IMPG1: variants seen among roughly 807,000 people sequenced by gnomAD.
The protein encoded by IMPG1 is interphotoreceptor matrix proteoglycan of 150 kDa.
IMPG1 carries 85 observed loss-of-function variants against 92.0 expected under a neutral mutation model. The observed-to-expected ratio is 0.92, with a 90% CI of 0.78 to 1.11. The LOEUF (loss-of-function observed/expected upper bound fraction) is 1.11, where lower values mean the gene tolerates loss of function less well. Ranked by LOEUF, IMPG1 falls within the 50% of genes least tolerant of loss-of-function variation. IMPG1 has a pLI of 0.00. For synonymous variants in IMPG1, 367 were observed against 334.1 expected (o/e 1.10, Z -1.08); for missense variants, 1,022 against 956.0 (o/e 1.07, Z -0.91).
In IMPG1 at chr6:76,072,349, G is replaced by T. The variant is rs372462085; in HGVS notation, c.67+73C>A. 2.8e-4 allele frequency: 222 copies of T among 793,220 alleles called. No homozygotes were observed. In the East Asian group the frequency reaches 3.4e-3, roughly 12 times the overall value. 49.1% of individuals were successfully genotyped at this position (793,220 alleles called of 1,614,324 possible). A position where few individuals can be genotyped will look rare whatever the true frequency, so the allele number is the denominator to read the frequency against. ...CGTGAGATCAATTGGTAGCCTTGTT[G>T]GTTCTAAATATTCACTTCTATCGGT... On this transcript the variant is annotated intron_variant, in intron 1 of 16. Transcript: ENST00000369950.
At chr6:75,982,652 C>T (rs915523562) in intron 12 of IMPG1, among the ~76,000 whole-genome samples, 2 of 150,164 alleles carry the variant, frequency 1.3e-5, no homozygotes, top group African/African-American at 2.5e-5. Context: ...TATATATATT[C>T]AAACAACTCT....
intron 12 of IMPG1, among the ~76,000 whole-genome samples, chr6:75,957,311 G>T (rs1782144822): frequency 6.6e-6 from 1 of 152,190 alleles, no homozygotes; most frequent in African/African-American, 2.4e-5. Flanking sequence ...CATTTGCTAA[G>T]GAGTGTTTTA....
At chr6:76,037,558 T>C (rs1202765211) in intron 2 of IMPG1, among the ~76,000 whole-genome samples, 2 of 152,162 alleles carry the variant, frequency 1.3e-5, no homozygotes, top group Admixed American at 6.6e-5. Flanking sequence ...TCATCTCTGG[T>C]CAATAGTCTA....
intron 1 of IMPG1, among the ~76,000 whole-genome samples, chr6:76,049,257 T>C (rs142986837): frequency 1.3e-5 from 2 of 152,162 alleles, no homozygotes; most frequent in Admixed American, 1.3e-4. Context: ...ACTTAATAGC[T>C]GGGTGATGAA....
intron 14 of IMPG1, among the ~76,000 whole-genome samples, chr6:75,935,736 T>C (rs1781734604): frequency 6.6e-6 from 1 of 152,200 alleles, no homozygotes; most frequent in Non-Finnish European, 1.5e-5. Context: ...ATGTTTTCTT[T>C]AAAATCAGAA....
rs1000873432 is a variant in IMPG1 at position 76,056,467 on chromosome 6, G to C, written c.68-14341C>G. On this transcript the variant is annotated intron_variant, in intron 1 of 16. Transcript: ENST00000369950. ...GATATTTGAGTTGTTCCCATGTCTT[G>C]GCTCTTGTGAATAATGCTGTAATCA... Among the ~76,000 whole-genome samples the C allele has an allele frequency of 2.0e-5, 3 of 152,102 alleles. No individual in the cohort carries two copies. In the South Asian group the frequency reaches 6.2e-4, roughly 32 times the overall value.
intron 12 of IMPG1, among the ~76,000 whole-genome samples, chr6:75,973,242 A>ATTGTCCGGATTACAGGCATGAGCCACT: frequency 7.6e-6 from 1 of 131,704 alleles, no homozygotes; most frequent in East Asian, 2.8e-4. Context: ...GGCCTCCCAA[A>ATTGTCCGGATTACAGGCATGAGCCACT]GTGTCCGGAT....
intron 16 of IMPG1, 136 bp downstream of exon 16, chr6:75,923,498 C>T: frequency 3.3e-6 from 2 of 615,292 alleles, no homozygotes; most frequent in South Asian, 3.7e-5. Context: ...GAAAATGTCA[C>T]CCCCTTAAAA....
chr6:76,039,102 A>C (rs952448253), intron 2 of IMPG1, among the ~76,000 whole-genome samples: 12 of 152,262 alleles, frequency 7.9e-5, no homozygotes, highest in Middle Eastern at 3.4e-3. Flanking sequence ...GTACAACGGG[A>C]GTGTTGGCTA....
chr6:75,939,247 G>C (rs189902714), intron 14 of IMPG1, among the ~76,000 whole-genome samples: 48 of 151,792 alleles, frequency 3.2e-4, no homozygotes, highest in African/African-American at 1.1e-3. Flanking sequence ...TGTGCACAAC[G>C]TGCAGGTTTG....
At chr6:75,977,815 G>A (rs1782564809) in intron 12 of IMPG1, among the ~76,000 whole-genome samples, 1 of 150,974 alleles carries the variant, frequency 6.6e-6, no homozygotes, top group African/African-American at 2.4e-5. Flanking sequence ...TGACTTCATG[G>A]TACACTCATT....
chr6:76,068,510 CTTTTTTTTT>C (rs1160277573), intron 1 of IMPG1, among the ~76,000 whole-genome samples: 3 of 110,194 alleles, frequency 2.7e-5, no homozygotes, highest in South Asian at 2.9e-4. Flanking sequence ...AATGTCCATA[CTTTTTTTTT>C]TTTTTTTTTT....
intron 12 of IMPG1, among the ~76,000 whole-genome samples, chr6:75,959,962 A>G (rs931172401): frequency 4.6e-5 from 7 of 152,272 alleles, no homozygotes; most frequent in Admixed American, 3.9e-4. Flanking sequence ...ACGGCTGCCC[A>G]GTTTTGTGCT....
intron 13 of IMPG1, among the ~76,000 whole-genome samples, chr6:75,949,037 G>A (rs1453993854): frequency 1.3e-5 from 2 of 152,164 alleles, no homozygotes; most frequent in African/African-American, 2.4e-5. Flanking sequence ...TCAAGTGAAA[G>A]AGAAATAAAC....
rs867818174 is a variant in IMPG1 at position 76,072,443 on chromosome 6, G to A, written c.46C>T (p.Leu16Phe). The A allele has an allele frequency of 1.3e-6, 2 of 1,594,470 alleles. No individual in the cohort carries two copies. Among genetic ancestry groups the A allele is most frequent in the South Asian group, 1.1e-5 (1 of 89,422 alleles). The change falls in exon 1 of 17, where the codon CTC becomes TTC. Residue 16 changes from leucine (L) to phenylalanine (F), a missense_variant. By Grantham distance (22) the Leu-to-Phe change is conservative. Coordinates refer to ENST00000369950, the MANE Select transcript of IMPG1 (RefSeq NM_001563.4). ...RRAIFVFWIF[L>F]QVQGTKDISI... Reference sequence around the variant, plus strand: ...TTACCTTTGGTTCCTTGAACTTGGAGAAAAATCCAAAAAACAAAAATAGCT... The same window carrying A: ...TTACCTTTGGTTCCTTGAACTTGGAAAAAAATCCAAAAAACAAAAATAGCT...
At chr6:76,026,508 T>G (rs1276087504) in intron 4 of IMPG1, among the ~76,000 whole-genome samples, 1 of 152,160 alleles carries the variant, frequency 6.6e-6, no homozygotes, top group Non-Finnish European at 1.5e-5. Flanking sequence ...TCCCCGCTGC[T>G]CTCCCCTCCC....
chr6:75,982,855 T>C (rs1382015595), intron 12 of IMPG1, among the ~76,000 whole-genome samples: 4 of 152,150 alleles, frequency 2.6e-5, no homozygotes, highest in South Asian at 4.1e-4. Flanking sequence ...AAAGAAAGGG[T>C]GAGGAACACC....
At chr6:76,052,815 G>A (rs1456624854) in intron 1 of IMPG1, among the ~76,000 whole-genome samples, 1 of 152,126 alleles carries the variant, frequency 6.6e-6, no homozygotes, top group Non-Finnish European at 1.5e-5. Flanking sequence ...GAAAAAAATG[G>A]TGAATAGAGT....
At chr6:75,923,199 A>T (rs1209653366) in intron 16 of IMPG1, among the ~76,000 whole-genome samples, 1 of 152,052 alleles carries the variant, frequency 6.6e-6, no homozygotes, top group Non-Finnish European at 1.5e-5. Context: ...ACTTTTACGA[A>T]TTTTTGAAGT....
Sources: allele counts gnomAD v4.1 joint callset (sites outside exome capture counted in the v4.1 genomes callset), GRCh38; gene constraint gnomAD v4.1.1; transcripts MANE v1.5; gene names NCBI Gene and HGNC (gene_info 2026-07-23, HGNC 2026-07-21).